SLC38A1: variants seen among roughly 807,000 people sequenced by gnomAD.
SLC38A1 encodes the protein sodium-coupled neutral amino acid symporter 1.
SLC38A1 carries 18 observed loss-of-function variants against 60.3 expected under a neutral mutation model. The observed-to-expected ratio is 0.30, with a 90% confidence interval of 0.21 to 0.44. SLC38A1 has a LOEUF of 0.44. SLC38A1 is among the 20% of genes least tolerant of loss of function. The pLI is 1.00. For missense variants in SLC38A1, 448 were observed against 587.2 expected (o/e 0.76, Z 2.45); for synonymous variants, 196 against 212.1 (o/e 0.92, Z 0.66).
chr12:46,226,010 T>G (rs1940849090), intron 5 of SLC38A1, among the ~76,000 whole-genome samples: 1 of 152,218 alleles, frequency 6.6e-6, no homozygotes, highest in African/African-American at 2.4e-5. Context: ...GAACAACCCA[T>G]ATGTTTAAAA....
chr12:46,247,337 C>T lies in SLC38A1; in HGVS notation c.-208-4023G>A, dbSNP rs937137595. Among the ~76,000 whole-genome samples, 5 of 152,104 alleles carry T rather than the reference C, an allele frequency of 3.3e-5. No individual in the cohort carries two copies. The South Asian group carries it at 6.2e-4, about 19-fold the overall frequency. ...AAAATAAACAGTGTAGAGAAGACCA[C>T]AAATGACCTGATGGAGCTGAAAACC... On this transcript the variant is annotated intron_variant, in intron 1 of 16. Coordinates refer to ENST00000398637, the MANE Select transcript of SLC38A1 (RefSeq NM_030674.4).
intron 16 of SLC38A1, among the ~76,000 whole-genome samples, chr12:46,194,385 C>T (rs1939276766): frequency 6.6e-6 from 1 of 152,152 alleles, no homozygotes; most frequent in African/African-American, 2.4e-5. Context: ...TCCATTTCAA[C>T]CTTGGTGAAT....
intron 1 of SLC38A1, among the ~76,000 whole-genome samples, chr12:46,246,068 T>C (rs947654654): frequency 5.3e-5 from 8 of 152,192 alleles, no homozygotes; most frequent in African/African-American, 1.9e-4. Context: ...ACAGCTCCCT[T>C]CTGCAGCTCC....
At chr12:46,216,176 A>G (rs1292426619) in intron 5 of SLC38A1, among the ~76,000 whole-genome samples, 1 of 151,930 alleles carries the variant, frequency 6.6e-6, no homozygotes, top group Non-Finnish European at 1.5e-5. Flanking sequence ...TTCATCTTTC[A>G]TCTCCACCAA....
At chr12:46,221,599 CA>C (rs1565772075) in intron 5 of SLC38A1, among the ~76,000 whole-genome samples, 1 of 152,100 alleles carries the variant, frequency 6.6e-6, no homozygotes, top group Non-Finnish European at 1.5e-5. Flanking sequence ...TCTGGTTTTG[CA>C]AAATCTAATT....
chr12:46,236,111 A>G (rs1941249576), intron 3 of SLC38A1, among the ~76,000 whole-genome samples: 1 of 152,170 alleles, frequency 6.6e-6, no homozygotes, highest in Admixed American at 6.5e-5. Context: ...ACTTTACATG[A>G]ATTTCCTCAT....
At chr12:46,229,755 T>G in intron 3 of SLC38A1, 116 bp from the exon 4 acceptor site, 1 of 925,298 alleles carries the variant, frequency 1.1e-6, no homozygotes, top group Non-Finnish European at 1.7e-6. Flanking sequence ...ATCAGCTCTC[T>G]AAGAGTTTAC....
intron 5 of SLC38A1, among the ~76,000 whole-genome samples, chr12:46,223,452 TCACACACA>T (rs146387838): frequency 6.8e-6 from 1 of 146,090 alleles, no homozygotes; most frequent in Admixed American, 6.8e-5. Flanking sequence ...TCTCTCACAT[TCACACACA>T]CACACACACA....
At chr12:46,194,341 A>G (rs1377253282) in intron 16 of SLC38A1, among the ~76,000 whole-genome samples, 1 of 152,084 alleles carries the variant, frequency 6.6e-6, no homozygotes, top group Admixed American at 6.5e-5. Context: ...AGGTAACCCA[A>G]CCTCTCTTTC....
chr12:46,207,467 T>G (rs778034371), intron 7 of SLC38A1, 62 bp downstream of exon 7: 19 of 1,450,930 alleles, frequency 1.3e-5, no homozygotes, highest in Non-Finnish European at 1.8e-5. Context: ...TTAAAATTCA[T>G]GTGGCCGCTC....
chr12:46,188,392 C>A lies in SLC38A1; in HGVS notation c.*578G>T. The A allele has an allele frequency of 6.5e-6, 1 of 152,774 alleles. No individual in the cohort carries two copies. Among genetic ancestry groups the A allele is most frequent in the Non-Finnish European group, 1.5e-5 (1 of 68,086 alleles). The allele number at this position is 152,774 out of a possible 1,614,324, so 9.5% of individuals were successfully genotyped here. On this transcript the variant is annotated 3_prime_UTR_variant, in exon 17 of 17. Transcript: ENST00000398637. ...AGTTCAGCTGCCAGGAAATCAGAGC[C>A]ACCTCAAATATTGGGCATGCTCTGA...
In SLC38A1 at chr12:46,201,139, A is replaced by G. The variant is rs1565754518; in HGVS notation, c.962T>C (p.Met321Thr). The G allele has an allele frequency of 1.2e-6, 2 of 1,613,658 alleles. No individual in the cohort carries two copies. The highest frequency in any genetic ancestry group is 1.7e-6 in the Non-Finnish European group (2 of 1,179,772). The change falls in exon 13 of 17, where the codon ATG becomes ACG. Residue 321 changes from methionine to threonine, a missense_variant. Met to Thr is a moderately conservative substitution (Grantham distance 81, BLOSUM62 -1). This residue lies in a region of SLC38A1 where 346 missense variants were observed against 497.5 expected (regional missense o/e 0.70). Transcript: ENST00000398637. ...SNISFFAMFV[M>T]YFLTAIFGYL... ...GCCAAAAATGGCAGTCAAGAAGTAC[A>G]TAACAAACATGGCGAAAAAGGAGAT...
rs1008761433 is a variant in SLC38A1, at chr12:46,183,762, C to A, written c.*5208G>T. ...GTTAAATAATTGATCTTAATGCCAG[C>A]ATAAGAAATCAAGGGAACTATTTCT... On this transcript the variant is annotated 3_prime_UTR_variant, in exon 17 of 17. Transcript: ENST00000398637. The A allele has an allele frequency of 6.6e-6, 1 of 152,128 alleles. No individual in the cohort carries two copies. 9.4% of individuals were successfully genotyped at this position (152,128 alleles called of 1,614,324 possible).
In SLC38A1 at chr12:46,197,826, T is replaced by C. The variant is rs757341946; in HGVS notation, c.1265-9A>G. On this transcript the variant is annotated splice_polypyrimidine_tract_variant and intron_variant, in intron 15 of 16. Transcript: ENST00000398637. Reference sequence around the variant, plus strand: ...GTTAGCAGATGTAACTCCTGTAAAATAAGACAAAAGAGAAAGTTTAGCATT... The same window carrying C: ...GTTAGCAGATGTAACTCCTGTAAAACAAGACAAAAGAGAAAGTTTAGCATT... 62 of 1,596,812 alleles carry C rather than the reference T, an allele frequency of 3.9e-5. No homozygotes were observed. The highest frequency in any genetic ancestry group is 4.9e-5 in the Non-Finnish European group (58 of 1,173,520).
At position 46,185,403 on chromosome 12, in the gene SLC38A1, A is replaced by G. The variant is rs900945782; in HGVS notation, c.*3567T>C. ...TGTGTCCACCACAAGCCCTATCACC[A>G]TCACCCATCTGGGTGCTTCTTTTTC... On this transcript the variant is annotated 3_prime_UTR_variant, in exon 17 of 17. Transcript: ENST00000398637. 11 of 152,048 alleles carry G rather than the reference A, an allele frequency of 7.2e-5. No homozygotes were observed. Among genetic ancestry groups the G allele is most frequent in the African/African-American group, 2.4e-4 (10 of 41,406 alleles). The allele number at this position is 152,048 out of a possible 1,614,324, so 9.4% of individuals were successfully genotyped here.
At chr12:46,205,470 G>A (rs908011906) in intron 9 of SLC38A1, among the ~76,000 whole-genome samples, 1 of 152,092 alleles carries the variant, frequency 6.6e-6, no homozygotes, top group African/African-American at 2.4e-5. Context: ...TTGACTAGAT[G>A]GCAGTCTGGT....
chr12:46,214,003 A>G (rs1436675547), intron 5 of SLC38A1, among the ~76,000 whole-genome samples: 2 of 152,258 alleles, frequency 1.3e-5, no homozygotes, highest in African/African-American at 2.4e-5. Flanking sequence ...CCCATGATCT[A>G]CTTAGCTCAC....
intron 8 of SLC38A1, among the ~76,000 whole-genome samples, 179 bp from the exon 9 acceptor site, chr12:46,206,341 C>G (rs565724264): frequency 9.2e-5 from 14 of 151,660 alleles, no homozygotes; most frequent in Admixed American, 3.3e-4. Context: ...TACTTATATA[C>G]TACAGCTTCA....
At chr12:46,236,292 T>A (rs1941256224) in intron 3 of SLC38A1, among the ~76,000 whole-genome samples, 1 of 152,156 alleles carries the variant, frequency 6.6e-6, no homozygotes, top group African/African-American at 2.4e-5. Flanking sequence ...AGGATATAAA[T>A]AAGTCCCACA....
Sources: allele counts gnomAD v4.1 joint callset (sites outside exome capture counted in the v4.1 genomes callset), GRCh38; gene constraint gnomAD v4.1.1; regional missense constraint gnomAD v4.1.1; transcripts MANE v1.5; gene names NCBI Gene and HGNC (gene_info 2026-07-23, HGNC 2026-07-21).